Variants in SLC7A14 observed in about 807,000 individuals in gnomAD.
SLC7A14 encodes gamma-aminobutyric acid transporter SLC7A14.
SLC7A14 carries 37 observed loss-of-function variants against 60.2 expected under a neutral mutation model. That is an observed-to-expected ratio of 0.61 (90% CI 0.47 to 0.81). The LOEUF (loss-of-function observed/expected upper bound fraction) is 0.81, where lower values mean the gene tolerates loss of function less well. SLC7A14 is among the 30% of genes least tolerant of loss of function. The pLI is 0.00. For missense variants in SLC7A14, 886 were observed against 982.7 expected (o/e 0.90, Z 1.32); for synonymous variants, 399 against 395.8 (o/e 1.01, Z -0.10).
At chr3:170,539,594 C>T (rs1295672426) in intron 1 of SLC7A14, among the ~76,000 whole-genome samples, 1 of 152,100 alleles carries the variant, frequency 6.6e-6, no homozygotes, top group African/African-American at 2.4e-5. Context: ...TTATGTCTGT[C>T]TCTTCCCTCT....
chr3:170,574,818 A>G (rs1188931506), intron 1 of SLC7A14, among the ~76,000 whole-genome samples: 1 of 152,216 alleles, frequency 6.6e-6, no homozygotes, highest in East Asian at 1.9e-4. Flanking sequence ...AAATAGCAGT[A>G]TAGTGTGAAG....
chr3:170,479,415 C>T (rs958745868), intron 7 of SLC7A14, among the ~76,000 whole-genome samples: 2 of 152,190 alleles, frequency 1.3e-5, no homozygotes, highest in Non-Finnish European at 1.5e-5. Flanking sequence ...AATCCCCAGC[C>T]ACCTCATGAA....
intron 1 of SLC7A14, among the ~76,000 whole-genome samples, chr3:170,545,531 A>G (rs6790988): frequency 0.8 from 121,441 of 152,114 alleles, 49,065 homozygotes; most frequent in African/African-American, 0.94. Context: ...TATCAAGCAT[A>G]TACTCATTCT....
chr3:170,480,551 G>C lies in SLC7A14; in HGVS notation c.1731C>G (p.Phe577Leu). The C allele has an allele frequency of 5.6e-6, 9 of 1,614,238 alleles. No individual in the cohort carries two copies. The highest frequency in any genetic ancestry group is 7.6e-6 in the Non-Finnish European group (9 of 1,180,044). The part of the protein sequence containing the change: ...ICVLLLFILM[F>L]IFCSFIIFGS... ...CAAAGATGATGAAGGAGCAGAAGAT[G>C]AACATGAGGATGAAGAGCAGGAGCA... Residue 577 changes from phenylalanine to leucine, a missense_variant, in exon 7 of 8, where the codon TTC becomes TTG. Coordinates refer to ENST00000231706, the MANE Select transcript of SLC7A14 (RefSeq NM_020949.3).
chr3:170,526,792 G>A lies in SLC7A14; in HGVS notation c.145C>T (p.Leu49=), dbSNP rs771819770. The A allele has an allele frequency of 1.2e-6, 2 of 1,614,246 alleles. No individual in the cohort carries two copies. Among genetic ancestry groups the A allele is most frequent in the South Asian group, 2.2e-5 (2 of 91,084 alleles). Residue 49 remains leucine, a synonymous_variant, in exon 2 of 8, where the codon CTA becomes TTA. Transcript: ENST00000231706. ...TCCACTGTGGTGAGTACCTGGGCTA[G>A]CTTAGTTCCATGTGCCGTGGTGGTC... ...TGTTTAHGTK[L]AQVLTTVDLI... is the part of the protein sequence containing the mutation.
chr3:170,507,913 G>T (rs1396184602), intron 2 of SLC7A14, among the ~76,000 whole-genome samples: 3 of 152,150 alleles, frequency 2.0e-5, no homozygotes, highest in Non-Finnish European at 4.4e-5. Context: ...GACCCCCAGG[G>T]CTGTACTGAG....
At chr3:170,514,461 A>C (rs1713087732) in intron 2 of SLC7A14, among the ~76,000 whole-genome samples, 1 of 152,198 alleles carries the variant, frequency 6.6e-6, no homozygotes. Flanking sequence ...TCTTCAGAAA[A>C]AGTACTTTGT....
At chr3:170,520,419 C>A (rs1290228502) in intron 2 of SLC7A14, among the ~76,000 whole-genome samples, 1 of 152,226 alleles carries the variant, frequency 6.6e-6, no homozygotes, top group Non-Finnish European at 1.5e-5. Flanking sequence ...ATTTAGCATT[C>A]ATCTCCATCA....
At chr3:170,570,855 C>T (rs1714932446) in intron 1 of SLC7A14, among the ~76,000 whole-genome samples, 1 of 152,108 alleles carries the variant, frequency 6.6e-6, no homozygotes, top group Admixed American at 6.5e-5. Context: ...CCACCCACCC[C>T]AATAGCTTTA....
chr3:170,478,497 A>C (rs1711703985), intron 7 of SLC7A14, among the ~76,000 whole-genome samples: 1 of 152,152 alleles, frequency 6.6e-6, no homozygotes, highest in Admixed American at 6.5e-5. Flanking sequence ...ATTGGGACAA[A>C]ATGCTTACAG....
At chr3:170,471,352 G>A (rs984202502) in intron 7 of SLC7A14, among the ~76,000 whole-genome samples, 4 of 152,130 alleles carry the variant, frequency 2.6e-5, no homozygotes, top group Non-Finnish European at 5.9e-5. Flanking sequence ...AAAGTGGAGT[G>A]AATAGGATCA....
At position 170,532,213 on chromosome 3, in the gene SLC7A14, A is replaced by G. The variant is rs35803767; in HGVS notation, c.-152-5125T>C. ...TGGTGGGACAGTTAGGATTGCTACA[A>G]GATTCTTTTAATTGATGTCCCCAGG... On this transcript the variant is annotated intron_variant, in intron 1 of 7. Transcript: ENST00000231706. The surrounding 1 kb of genome is among the most constrained non-coding windows in gnomAD (Gnocchi z 4.0). Among the ~76,000 whole-genome samples, 49,145 of 151,654 alleles carry G rather than the reference A, an allele frequency of 0.32. 8,162 individuals carry two copies. Among genetic ancestry groups the G allele is most frequent in the East Asian group, 0.46 (2,360 of 5,172 alleles).
At chr3:170,501,029 A>T (rs866844828) in intron 3 of SLC7A14, 80 bp downstream of exon 3, 1 of 1,421,762 alleles carries the variant, frequency 7.0e-7, no homozygotes, top group Non-Finnish European at 9.9e-7. Context: ...CATTTTGCCA[A>T]ATTGCTTTCT....
At chr3:170,507,943 G>A (rs1278180371) in intron 2 of SLC7A14, among the ~76,000 whole-genome samples, 5 of 152,162 alleles carry the variant, frequency 3.3e-5, no homozygotes, top group Admixed American at 6.5e-5. Flanking sequence ...GGGAAGAGGT[G>A]TCAGTTGCTC....
chr3:170,524,597 T>C (rs1713437637), intron 2 of SLC7A14, among the ~76,000 whole-genome samples: 3 of 152,246 alleles, frequency 2.0e-5, no homozygotes, highest in African/African-American at 2.4e-5. Flanking sequence ...TTTGGGTATA[T>C]GGCTGCCTTT....
In SLC7A14 at chr3:170,532,902, T is replaced by C. The variant is rs540985250; in HGVS notation, c.-152-5814A>G. On this transcript the variant is annotated intron_variant, in intron 1 of 7. Coordinates refer to ENST00000231706, the MANE Select transcript of SLC7A14 (RefSeq NM_020949.3). The surrounding 1 kb of genome is among the most constrained non-coding windows in gnomAD (Gnocchi z 4.0). Reference sequence around the variant, plus strand: ...AACTTGTGGAGAACGGCTTTCCTCTTTCCTGTTTTCCTTTATCTAAAGGGG... The same window carrying C: ...AACTTGTGGAGAACGGCTTTCCTCTCTCCTGTTTTCCTTTATCTAAAGGGG... 6.6e-6 allele frequency among the ~76,000 whole-genome samples: 1 copy of C among 152,302 alleles called. No homozygotes were observed. Among genetic ancestry groups the C allele is most frequent in the Non-Finnish European group, 1.5e-5 (1 of 68,016 alleles).
At chr3:170,583,538 TG>T (rs1214334353) in intron 1 of SLC7A14, among the ~76,000 whole-genome samples, 4 of 152,224 alleles carry the variant, frequency 2.6e-5, no homozygotes, top group African/African-American at 9.6e-5. Context: ...TCAAGTTAAC[TG>T]GGTTCTAATT....
intron 1 of SLC7A14, among the ~76,000 whole-genome samples, chr3:170,565,448 G>A (rs776942622): frequency 3.3e-5 from 5 of 152,184 alleles, no homozygotes; most frequent in East Asian, 1.9e-4. Context: ...TCATGTGCAT[G>A]TGTCCATGGT....
intron 2 of SLC7A14, among the ~76,000 whole-genome samples, chr3:170,521,056 T>C (rs1240115256): frequency 6.6e-6 from 1 of 152,242 alleles, no homozygotes. Flanking sequence ...AGGTTTGGCA[T>C]GGCTATGGGG....
Sources: gnomAD v4.1 joint callset for allele counts (sites outside exome capture counted in the v4.1 genomes callset) on GRCh38, gnomAD v4.1.1 for gene constraint, Gnocchi (gnomAD v3.1) non-coding constraint, MANE v1.5 for transcripts, NCBI Gene and HGNC (gene_info 2026-07-23, HGNC 2026-07-21) for gene names.